Variants in USP44 observed in about 807,000 individuals in gnomAD.
USP44 encodes the protein ubiquitin specific peptidase 44.
In USP44, 61 loss-of-function variants were observed where a neutral mutation model predicts 69.0. The ratio of observed to expected loss-of-function variants is 0.88; its 90% CI spans 0.72 to 1.09. The LOEUF (loss-of-function observed/expected upper bound fraction) is 1.09. USP44 is among the 50% of genes least tolerant of loss of function. USP44 has a pLI of 0.00. For synonymous variants in USP44, 297 were observed against 295.4 expected, an observed-to-expected ratio of 1.01 and a Z score of -0.06; for missense variants, 753 against 849.9, an observed-to-expected ratio of 0.89 and a Z score of 1.42.
At chr12:95,536,352 C>T (rs1159519806) in intron 1 of USP44, among the ~76,000 whole-genome samples, 1 of 152,006 alleles carries the variant, frequency 6.6e-6, no homozygotes, top group East Asian at 1.9e-4. Flanking sequence ...CCCCATTTCA[C>T]ACGTTTTAAG....
At chr12:95,531,173 A>G (rs1350173718) in intron 2 of USP44, among the ~76,000 whole-genome samples, 1 of 152,158 alleles carries the variant, frequency 6.6e-6, no homozygotes, top group Non-Finnish European at 1.5e-5. Context: ...CAAAAAAACA[A>G]AAACAAAAAC....
At chr12:95,545,234 G>A (rs1045270347) in intron 1 of USP44, among the ~76,000 whole-genome samples, 13 of 150,984 alleles carry the variant, frequency 8.6e-5, no homozygotes, top group Non-Finnish European at 1.3e-4. Flanking sequence ...AGTACCACTG[G>A]GCATAAAATA....
intron 1 of USP44, among the ~76,000 whole-genome samples, chr12:95,544,814 C>T (rs117282241): frequency 0.047 from 7,150 of 152,138 alleles, 278 homozygotes; most frequent in Non-Finnish European, 0.071. Flanking sequence ...CTTCCCCCCG[C>T]CATAGCTCAT....
chr12:95,517,996 T>C lies in USP44; in HGVS notation c.*158A>G, dbSNP rs918218060. ...AAAAAGTAGTTACCTTCAGTTGATA[T>C]ATACATTTATACTTTGTAAAAAAAA... On this transcript the variant is annotated 3_prime_UTR_variant, in exon 6 of 6. Transcript: ENST00000258499. 2.2e-5 allele frequency: 15 copies of C among 667,360 alleles called. No homozygotes were observed. Among genetic ancestry groups the C allele is most frequent in the Admixed American group, 3.3e-5 (1 of 30,174 alleles). 41.3% of individuals were successfully genotyped at this position (667,360 alleles called of 1,614,324 possible).
chr12:95,526,215 A>G (rs1450398025), intron 3 of USP44, among the ~76,000 whole-genome samples: 1 of 152,194 alleles, frequency 6.6e-6, no homozygotes, highest in African/African-American at 2.4e-5. Context: ...GGCACTCACC[A>G]CATTTATGTC....
intron 1 of USP44, among the ~76,000 whole-genome samples, chr12:95,539,034 A>G (rs1461436080): frequency 1.3e-5 from 2 of 152,220 alleles, no homozygotes; most frequent in Non-Finnish European, 2.9e-5. Flanking sequence ...TTCTGACAAA[A>G]TATTACCTGT....
At chr12:95,546,803 C>T (rs1404711038) in intron 1 of USP44, 5 of 152,102 alleles carry the variant, frequency 3.3e-5, no homozygotes, top group African/African-American at 9.7e-5. Context: ...GGGGTTTTTC[C>T]TCCACGTTAA....
chr12:95,541,232 C>T (rs1383120948), intron 1 of USP44, among the ~76,000 whole-genome samples: 2 of 152,094 alleles, frequency 1.3e-5, no homozygotes, highest in African/African-American at 4.8e-5. Flanking sequence ...GCCGAGATGG[C>T]GCCACTACAC....
chr12:95,527,837 T>TG (rs1592690896), intron 3 of USP44, among the ~76,000 whole-genome samples: 1 of 58,770 alleles, frequency 1.7e-5, no homozygotes, highest in African/African-American at 8.6e-5. Flanking sequence ...AGGAAGATGC[T>TG]TTTTTTTTTT....
Position 95,534,202 on chromosome 12 carries a change from G to C in USP44, c.55C>G (p.His19Asp), listed in dbSNP as rs774208775. The change falls in exon 2 of 6, where the codon CAT becomes GAT. Residue 19 changes from histidine (H) to aspartate (D), a missense_variant. His to Asp is a moderately conservative substitution (Grantham distance 81). Coordinates refer to ENST00000258499, the MANE Select transcript of USP44 (RefSeq NM_032147.5). ...CATTTCTGAGGGTTGAGGCTGGAAT[G>C]GTCTTGAGCAAGCTGCAGCTGCCCA... ...HVGQLQLAQD[H>D]SSLNPQKWHC... 1.9e-6 allele frequency: 3 copies of C among 1,613,938 alleles called. No homozygotes were observed. Among genetic ancestry groups the C allele is most frequent in the African/African-American group, 2.7e-5 (2 of 74,900 alleles).
chr12:95,547,937 T>C (rs1228448653), intron 1 of USP44: 1 of 152,188 alleles, frequency 6.6e-6, no homozygotes, highest in Non-Finnish European at 1.5e-5. Context: ...ACAGTTACTA[T>C]ATAGTTCACT....
At chr12:95,536,541 A>G (rs1011842269) in intron 1 of USP44, among the ~76,000 whole-genome samples, 3 of 152,132 alleles carry the variant, frequency 2.0e-5, no homozygotes, top group African/African-American at 7.2e-5. Flanking sequence ...AAGAAACCTT[A>G]GAGTCATCCT....
chr12:95,550,754 A>G (rs902483493), intron 1 of USP44, among the ~76,000 whole-genome samples: 1 of 152,146 alleles, frequency 6.6e-6, no homozygotes, highest in East Asian at 1.9e-4. Context: ...AAGGACTAAA[A>G]TGATGTGAAT....
In USP44 at chr12:95,533,957, A is replaced by C; in HGVS notation, c.300T>G (p.Arg100=). ...TTTGACTTTTGATGGCACTTAATGT[A>C]CGTCGTAGTAACTTCAGGTCTCCAG... ...NTTGDLKLLR[R]TLSAIKSQNY... Residue 100 remains arginine (R), a synonymous_variant, in exon 2 of 6, where the codon CGT becomes CGG. Coordinates refer to ENST00000258499, the MANE Select transcript of USP44 (RefSeq NM_032147.5). The C allele has an allele frequency of 6.2e-7, 1 of 1,614,196 alleles. No homozygotes were observed. Among genetic ancestry groups the C allele is most frequent in the Non-Finnish European group, 8.5e-7 (1 of 1,180,030 alleles).
At position 95,534,020 on chromosome 12, in the gene USP44, A is replaced by T; in HGVS notation, c.237T>A (p.Cys79Ter). The change falls in exon 2 of 6, where the codon TGT becomes TGA. Residue 79 changes from cysteine to a stop codon, truncating the protein, a stop_gained. Transcript: ENST00000258499. LOFTEE classifies it high-confidence loss of function. The stretch of plus-strand genomic sequence containing the variant: ...TCAGAACATAATCATCACAAAGGTA[A>T]CAAAAAACGTACATCTCATTCACCT... Reference protein sequence around the residue: ...ALEVNEMYVFCYLCDDYVLND... With the variant: ...ALEVNEMYVF The T allele has an allele frequency of 6.2e-7, 1 of 1,614,222 alleles. No homozygotes were observed. The highest frequency in any genetic ancestry group is 1.1e-5 in the South Asian group (1 of 91,088).
chr12:95,526,800 ATATAGCATAGTATAAAC>A (rs1425121693), intron 3 of USP44, among the ~76,000 whole-genome samples: 2 of 152,224 alleles, frequency 1.3e-5, no homozygotes, highest in African/African-American at 4.8e-5. Context: ...GAAAAAATAT[ATATAGCATAGTATAAAC>A]TATAGCATAG....
chr12:95,528,932 G>A lies in USP44; in HGVS notation c.1499C>T (p.Pro500Leu). Reference sequence around the variant, plus strand: ...TTTTCCACTGCATTGATACCTTTCTGGAAACTCCAATGACAAGTCCCAGAA... The same window carrying A: ...TTTTCCACTGCATTGATACCTTTCTAGAAACTCCAATGACAAGTCCCAGAA... ...EPFWDLSLEF[P>L]ERYQCSGKDI... The change falls in exon 3 of 6, where the codon CCA becomes CTA. Residue 500 changes from proline to leucine, a missense_variant. By Grantham distance (98) the Pro-to-Leu change is moderately conservative. Coordinates refer to ENST00000258499, the MANE Select transcript of USP44 (RefSeq NM_032147.5). 6.2e-7 allele frequency: 1 copy of A among 1,613,914 alleles called. No homozygotes were observed. Among genetic ancestry groups the A allele is most frequent in the Non-Finnish European group, 8.5e-7 (1 of 1,179,974 alleles).
At chr12:95,524,598 A>G in intron 4 of USP44, 82 bp downstream of exon 4, 1 of 1,089,776 alleles carries the variant, frequency 9.2e-7, no homozygotes, top group Non-Finnish European at 1.3e-6. Context: ...GTAAGGGGAA[A>G]AAATTATAAC....
chr12:95,547,447 T>C (rs2077608383), intron 1 of USP44, among the ~76,000 whole-genome samples: 1 of 152,328 alleles, frequency 6.6e-6, no homozygotes, highest in East Asian at 1.9e-4. Context: ...ACAAAACGAT[T>C]AGAGTTCCAA....
Sources: gnomAD v4.1 joint callset for allele counts (sites outside exome capture counted in the v4.1 genomes callset) on GRCh38, gnomAD v4.1.1 for gene constraint, MANE v1.5 for transcripts, NCBI Gene and HGNC (gene_info 2026-07-23, HGNC 2026-07-21) for gene names.